CNIH3: variants seen among roughly 807,000 people sequenced by gnomAD.
The protein encoded by CNIH3 is protein cornichon homolog 3.
A neutral mutation model predicts 24.1 loss-of-function variants in CNIH3; 14 were observed. The ratio of observed to expected loss-of-function variants is 0.58; its 90% CI spans 0.38 to 0.91. The LOEUF is 0.91. Ranked by LOEUF, CNIH3 falls within the 40% of genes least tolerant of loss-of-function variation. The pLI is 0.00. For synonymous variants in CNIH3, 68 were observed against 73.8 expected, an observed-to-expected ratio of 0.92 and a Z score of 0.40; for missense variants, 178 against 196.8, an observed-to-expected ratio of 0.90 and a Z score of 0.57.
chr1:224,582,242 C>G (rs1481585495), intron 4 of CNIH3, among the ~76,000 whole-genome samples: 1 of 152,122 alleles, frequency 6.6e-6, no homozygotes, highest in African/African-American at 2.4e-5. Flanking sequence ...CTTTTAACTG[C>G]TATTTATAGT....
At chr1:224,731,479 G>A (rs1401752278) in intron 4 of CNIH3, among the ~76,000 whole-genome samples, 3 of 152,150 alleles carry the variant, frequency 2.0e-5, no homozygotes, top group African/African-American at 7.2e-5. Flanking sequence ...TAAGTTGCCT[G>A]CCCTTGACCC....
intron 3 of CNIH3, among the ~76,000 whole-genome samples, chr1:224,560,185 A>G (rs1449911048): frequency 6.6e-6 from 1 of 152,146 alleles, no homozygotes; most frequent in African/African-American, 2.4e-5. Context: ...ATTCTTGGGC[A>G]TGGCTTTTCA....
chr1:224,547,485 A>C (rs988939192), intron 3 of CNIH3, among the ~76,000 whole-genome samples: 1 of 152,082 alleles, frequency 6.6e-6, no homozygotes, highest in Non-Finnish European at 1.5e-5. Flanking sequence ...TATTATTCTT[A>C]ATATCACAGT....
Position 224,616,671 on chromosome 1 carries a change from C to T in CNIH3, c.-504C>T. On this transcript the variant is annotated 5_prime_UTR_variant, in exon 1 of 6. Coordinates refer to ENST00000272133, the MANE Select transcript of CNIH3 (RefSeq NM_152495.2). Reference sequence around the variant, plus strand: ...ATTTGGGAGGAGCTCGGAGGCCGCTCGGGCACCTCGCTGGACACTATCCGT... The same window carrying T: ...ATTTGGGAGGAGCTCGGAGGCCGCTTGGGCACCTCGCTGGACACTATCCGT... 1.0e-6 allele frequency: 1 copy of T among 988,570 alleles called. No individual in the cohort carries two copies. The highest frequency in any genetic ancestry group is 1.2e-6 in the Non-Finnish European group (1 of 832,226). 61.2% of individuals were successfully genotyped at this position (988,570 alleles called of 1,614,324 possible).
intron 1 of CNIH3, among the ~76,000 whole-genome samples, chr1:224,673,240 C>G (rs1205806688): frequency 6.6e-6 from 1 of 152,162 alleles, no homozygotes; most frequent in Non-Finnish European, 1.5e-5. Flanking sequence ...CAAACACAGT[C>G]CTGCAAGTCA....
At chr1:224,434,992 C>T (rs1674581616) in intron 1 of CNIH3, 1 of 985,558 alleles carries the variant, frequency 1.0e-6, no homozygotes, top group South Asian at 4.7e-5. Context: ...CCTATCCGAT[C>T]CTATCCCCGG....
At position 224,703,338 on chromosome 1, in the gene CNIH3, C is replaced by T. The variant is rs10915699; in HGVS notation, c.198+18495C>T. On this transcript the variant is annotated intron_variant, in intron 3 of 5. Transcript: ENST00000272133. This position sits in a 1 kb window ranked among gnomAD's most constrained non-coding sequence, Gnocchi z 4.2. ...GTTAATGAACATGAAGCCTGCTTAG[C>T]AGAGGGGCTCAAACTTTGCCGCACA... Among the ~76,000 whole-genome samples, 66,410 of 151,842 alleles carry T rather than the reference C, an allele frequency of 0.44. 15,727 individuals are homozygous for T. The highest frequency in any genetic ancestry group is 0.57 in the Middle Eastern group (168 of 294).
At chr1:224,451,981 T>C (rs1324274010) in intron 1 of CNIH3, among the ~76,000 whole-genome samples, 1 of 152,220 alleles carries the variant, frequency 6.6e-6, no homozygotes, top group Non-Finnish European at 1.5e-5. Context: ...ACAGGTTATG[T>C]GCTTTTCAAA....
At chr1:224,475,600 G>T (rs878919536) in intron 1 of CNIH3, among the ~76,000 whole-genome samples, 1 of 152,088 alleles carries the variant, frequency 6.6e-6, no homozygotes, top group Non-Finnish European at 1.5e-5. Flanking sequence ...TAAAAATTTC[G>T]TCAGCAAAGA....
At chr1:224,738,143 C>G (rs966360960) in intron 5 of CNIH3, among the ~76,000 whole-genome samples, 3 of 152,238 alleles carry the variant, frequency 2.0e-5, no homozygotes, top group African/African-American at 7.2e-5. Flanking sequence ...CTGGCACTCA[C>G]TGAATCCTCG....
intron 4 of CNIH3, among the ~76,000 whole-genome samples, chr1:224,578,055 A>G (rs1681112149): frequency 6.6e-6 from 1 of 152,122 alleles, no homozygotes; most frequent in Non-Finnish European, 1.5e-5. Flanking sequence ...AAAACTGCAT[A>G]TTGGGTACAG....
intron 2 of CNIH3, among the ~76,000 whole-genome samples, chr1:224,530,761 G>A (rs1461798174): frequency 3.9e-5 from 6 of 151,962 alleles, no homozygotes; most frequent in East Asian, 1.9e-4. Context: ...CACCATGTGC[G>A]GCTAATTTTT....
intron 1 of CNIH3, among the ~76,000 whole-genome samples, chr1:224,488,232 G>C (rs959665189): frequency 1.3e-5 from 2 of 151,950 alleles, no homozygotes; most frequent in African/African-American, 4.8e-5. Flanking sequence ...ATTTCCTTGA[G>C]TGTTTTGGCT....
At chr1:224,538,154 G>A (rs1429238160), downstream of CNIH3, among the ~76,000 whole-genome samples, 1 of 151,918 alleles carries the variant, frequency 6.6e-6, no homozygotes, top group African/African-American at 2.4e-5. Context: ...TCACCATATT[G>A]GCCAGGCTGG....
At chr1:224,710,086 C>T (rs1365878721) in intron 3 of CNIH3, among the ~76,000 whole-genome samples, 1 of 152,154 alleles carries the variant, frequency 6.6e-6, no homozygotes, top group Non-Finnish European at 1.5e-5. Flanking sequence ...TCTTATTGTA[C>T]TGTACTTACC....
intron 1 of CNIH3, chr1:224,662,007 C>T (rs1685379601): frequency 6.5e-6 from 1 of 152,904 alleles, no homozygotes; most frequent in African/African-American, 2.4e-5. Flanking sequence ...GCTAGAATTC[C>T]TATTCTTAGT....
chr1:224,553,963 T>C (rs1680032673), intron 3 of CNIH3, among the ~76,000 whole-genome samples: 1 of 152,110 alleles, frequency 6.6e-6, no homozygotes, highest in African/African-American at 2.4e-5. Flanking sequence ...GATCAACCAC[T>C]CAGTTTGTTG....
intron 1 of CNIH3, among the ~76,000 whole-genome samples, chr1:224,630,949 A>G (rs1461812243): frequency 6.6e-6 from 1 of 152,014 alleles, no homozygotes; most frequent in Non-Finnish European, 1.5e-5. Flanking sequence ...TCATGAGGTC[A>G]AGAGATTGAG....
intron 3 of CNIH3, among the ~76,000 whole-genome samples, chr1:224,548,945 C>T (rs538064694): frequency 2.7e-5 from 4 of 149,294 alleles, no homozygotes; most frequent in East Asian, 2.0e-4. Context: ...GGACATTGTT[C>T]GTAGTATTCA....
Sources: allele counts gnomAD v4.1 joint callset (sites outside exome capture counted in the v4.1 genomes callset), GRCh38; gene constraint gnomAD v4.1.1; non-coding constraint Gnocchi (gnomAD v3.1); transcripts MANE v1.5; gene names NCBI Gene and HGNC (gene_info 2026-07-23, HGNC 2026-07-21).